The following PCDH9 variants were observed in gnomAD, a reference collection of about 807,000 sequenced individuals.
PCDH9 encodes the protein protocadherin-9.
PCDH9 carries 24 observed loss-of-function variants against 70.6 expected under a neutral mutation model. The ratio of observed to expected loss-of-function variants is 0.34; its 90% CI spans 0.25 to 0.48. The LOEUF is 0.48. Among genes scored for constraint, PCDH9 ranks in the 20% least tolerant of loss-of-function variants. The probability of loss-of-function intolerance (pLI) is 0.99; values close to 1 mark genes in which losing one functional copy is unlikely to be tolerated. For synonymous variants in PCDH9, 562 were observed against 558.5 expected (o/e 1.01, Z -0.09); for missense variants, 1,281 against 1,503.6 (o/e 0.85, Z 2.45).
At chr13:66,765,462 A>G (rs1263374650) in intron 3 of PCDH9, among the ~76,000 whole-genome samples, 1 of 152,066 alleles carries the variant, frequency 6.6e-6, no homozygotes, top group Non-Finnish European at 1.5e-5. Context: ...ATGTGCTACA[A>G]AATGGGACTA....
chr13:66,378,929 C>A (rs1429844194), intron 4 of PCDH9, among the ~76,000 whole-genome samples: 2 of 152,196 alleles, frequency 1.3e-5, no homozygotes, highest in Non-Finnish European at 2.9e-5. Flanking sequence ...TGACACAGTT[C>A]ACCAAGCAAG....
At chr13:66,923,103 T>C (rs905252753) in intron 2 of PCDH9, among the ~76,000 whole-genome samples, 4 of 151,494 alleles carry the variant, frequency 2.6e-5, no homozygotes, top group African/African-American at 9.7e-5. Flanking sequence ...TATAATTTGA[T>C]AAAAACTAAA....
At chr13:66,859,483 T>C (rs2081446779) in intron 3 of PCDH9, among the ~76,000 whole-genome samples, 2 of 152,174 alleles carry the variant, frequency 1.3e-5, no homozygotes, top group Admixed American at 1.3e-4. Flanking sequence ...TTATAAAAAC[T>C]ATCTATGGGT....
intron 2 of PCDH9, among the ~76,000 whole-genome samples, chr13:66,960,345 T>C (rs969846101): frequency 6.6e-6 from 1 of 152,178 alleles, no homozygotes; most frequent in Non-Finnish European, 1.5e-5. Flanking sequence ...TTGGACACTA[T>C]GTGAATCAGA....
intron 4 of PCDH9, among the ~76,000 whole-genome samples, chr13:66,456,316 C>T (rs566206359): frequency 6.6e-5 from 10 of 152,166 alleles, no homozygotes; most frequent in South Asian, 2.1e-4. Context: ...GCCTGGAGTG[C>T]GGCAGTGCAA....
intron 2 of PCDH9, chr13:67,210,902 T>C (rs2089455335): frequency 6.6e-6 from 1 of 151,970 alleles, no homozygotes; most frequent in African/African-American, 2.4e-5. Flanking sequence ...AAACACCAAG[T>C]TAATTGTCAC....
intron 3 of PCDH9, among the ~76,000 whole-genome samples, chr13:66,864,247 C>T (rs921048203): frequency 2.0e-5 from 3 of 151,996 alleles, no homozygotes; most frequent in Admixed American, 6.6e-5. Context: ...ATAGTGAAAA[C>T]ATTCTGCATG....
At chr13:66,360,643 T>C (rs1017049051) in intron 4 of PCDH9, among the ~76,000 whole-genome samples, 5 of 152,080 alleles carry the variant, frequency 3.3e-5, no homozygotes, top group Non-Finnish European at 7.4e-5. Context: ...CTTGAGTCTA[T>C]TGTATATTAA....
intron 2 of PCDH9, among the ~76,000 whole-genome samples, chr13:67,186,399 T>A (rs2088761360): frequency 6.6e-6 from 1 of 152,182 alleles, no homozygotes; most frequent in Non-Finnish European, 1.5e-5. Flanking sequence ...TAATTCATAC[T>A]ATAATAAAGA....
chr13:66,813,735 C>A (rs1468307133), intron 3 of PCDH9, among the ~76,000 whole-genome samples: 1 of 152,004 alleles, frequency 6.6e-6, no homozygotes, highest in Non-Finnish European at 1.5e-5. Context: ...TATTGTCAAC[C>A]ATGCTGTACT....
At chr13:66,471,201 TC>T in intron 4 of PCDH9, among the ~76,000 whole-genome samples, 1 of 152,194 alleles carries the variant, frequency 6.6e-6, no homozygotes, top group African/African-American at 2.4e-5. Flanking sequence ...ACTGATCAGT[TC>T]GTACATGCCT....
At chr13:66,751,244 AG>A (rs1195498824) in intron 3 of PCDH9, among the ~76,000 whole-genome samples, 5 of 152,138 alleles carry the variant, frequency 3.3e-5, no homozygotes, top group Admixed American at 6.6e-5. Flanking sequence ...ATACATGAAA[AG>A]AATTGCCCCT....
At chr13:66,593,790 T>C (rs1271575305) in intron 4 of PCDH9, among the ~76,000 whole-genome samples, 2 of 151,742 alleles carry the variant, frequency 1.3e-5, no homozygotes, top group South Asian at 4.2e-4. Context: ...TTTCAAAGGA[T>C]GAAATTGATT....
chr13:66,759,575 G>C (rs979271171), intron 3 of PCDH9, among the ~76,000 whole-genome samples: 1 of 151,446 alleles, frequency 6.6e-6, no homozygotes, highest in Non-Finnish European at 1.5e-5. Flanking sequence ...TTCCTCTCTT[G>C]TTTCTTTCTT....
At chr13:67,028,746 C>A (rs1443431226) in intron 2 of PCDH9, among the ~76,000 whole-genome samples, 3 of 151,970 alleles carry the variant, frequency 2.0e-5, no homozygotes, top group African/African-American at 7.2e-5. Context: ...TTTCTTCTCA[C>A]CTCGAAAATG....
intron 3 of PCDH9, among the ~76,000 whole-genome samples, chr13:66,902,634 T>TA (rs552218144): frequency 8.8e-4 from 133 of 151,640 alleles, no homozygotes; most frequent in Non-Finnish European, 1.5e-3. Flanking sequence ...GTTACAGCTG[T>TA]AAAAAAATAC....
In PCDH9 at chr13:66,983,819, T is replaced by G. The variant is rs186476929; in HGVS notation, c.3037-80214A>C. ...GCCTAGTACCCAATCGTTTTTTTTG[T>G]TTTTTTTTGTTTTTGTTTTTGTTTT... is the stretch of plus-strand genomic sequence containing the variant. On this transcript the variant is annotated intron_variant, in intron 2 of 4. Transcript: ENST00000377865. 6.8e-4 allele frequency among the ~76,000 whole-genome samples: 102 copies of G among 149,014 alleles called. No homozygotes were observed. In the East Asian group the frequency reaches 0.012, roughly 17 times the overall value.
intron 2 of PCDH9, among the ~76,000 whole-genome samples, chr13:67,107,926 G>A (rs537823754): frequency 1.3e-5 from 2 of 152,252 alleles, no homozygotes; most frequent in East Asian, 3.9e-4. Flanking sequence ...GGGTGCCACT[G>A]CATTCCCTTT....
intron 2 of PCDH9, among the ~76,000 whole-genome samples, chr13:67,065,590 A>C (rs1267451189): frequency 6.6e-6 from 1 of 152,168 alleles, no homozygotes; most frequent in East Asian, 1.9e-4. Flanking sequence ...GGATACTTGT[A>C]CAACTTGGGT....
Sources: allele counts gnomAD v4.1 joint callset (sites outside exome capture counted in the v4.1 genomes callset), GRCh38; gene constraint gnomAD v4.1.1; transcripts MANE v1.5; gene names NCBI Gene and HGNC (gene_info 2026-07-23, HGNC 2026-07-21).